The following RBFOX1 variants were observed in gnomAD, a reference collection of about 807,000 sequenced individuals.
RBFOX1 encodes RNA binding fox-1 homolog 1.
A neutral mutation model predicts 57.7 loss-of-function variants in RBFOX1; 8 were observed. That is an observed-to-expected ratio of 0.14 (90% CI 0.08 to 0.25). RBFOX1 has a LOEUF of 0.25. Among genes scored for constraint, RBFOX1 ranks in the 10% least tolerant of loss-of-function variants. The probability of loss-of-function intolerance (pLI) is 1.00; values close to 1 mark genes in which losing one functional copy is unlikely to be tolerated. For synonymous variants in RBFOX1, 326 were observed against 222.4 expected, an observed-to-expected ratio of 1.47 and a Z score of -4.15; for missense variants, 611 against 548.5, an observed-to-expected ratio of 1.11 and a Z score of -1.14.
chr16:7,029,764 A>AT (rs1193737248), intron 3 of RBFOX1, among the ~76,000 whole-genome samples: 9 of 152,188 alleles, frequency 5.9e-5, no homozygotes, highest in African/African-American at 2.2e-4. Flanking sequence ...TTGTTCAATG[A>AT]TTAAAGTCCC....
In RBFOX1 at chr16:7,389,666, C is replaced by T. The variant is rs1290620179; in HGVS notation, c.28-128481C>T. ...TATGTTGGGACCCTACAGAGAAATT[C>T]AGAAGACAATCTGGCTGGAGTTTAC... On this transcript the variant is annotated intron_variant, in intron 4 of 15. Coordinates refer to ENST00000550418, the MANE Select transcript of RBFOX1 (RefSeq NM_018723.4). 2.6e-5 allele frequency among the ~76,000 whole-genome samples: 4 copies of T among 152,144 alleles called. No individual in the cohort carries two copies. The South Asian group carries it at 6.2e-4, about 24-fold the overall frequency.
At chr16:6,276,829 T>G (rs2152688469) in intron 1 of RBFOX1, among the ~76,000 whole-genome samples, 1 of 152,172 alleles carries the variant, frequency 6.6e-6, no homozygotes, top group East Asian at 1.9e-4. Context: ...TTTTTTTTTT[T>G]TATTAACTAT....
At chr16:5,272,874 G>T (rs973727788) in intron 1 of RBFOX1, among the ~76,000 whole-genome samples, 1 of 152,220 alleles carries the variant, frequency 6.6e-6, no homozygotes, top group African/African-American at 2.4e-5. Context: ...TGAGCTGACT[G>T]CAAGGTGCTT....
At chr16:6,844,553 T>C (rs2093659396) in intron 3 of RBFOX1, among the ~76,000 whole-genome samples, 1 of 152,120 alleles carries the variant, frequency 6.6e-6, no homozygotes, top group Non-Finnish European at 1.5e-5. Flanking sequence ...ATGGTGTATA[T>C]GTACGACTTT....
intron 2 of RBFOX1, among the ~76,000 whole-genome samples, chr16:5,524,544 CT>C (rs35257382): frequency 0.43 from 59,842 of 139,762 alleles, 13,885 homozygotes; most frequent in East Asian, 0.95. Flanking sequence ...GTAGTAGTTG[CT>C]TTTTTTTTTT....
chr16:5,726,937 C>T (rs1019111034), intron 3 of RBFOX1, among the ~76,000 whole-genome samples: 2 of 152,022 alleles, frequency 1.3e-5, no homozygotes, highest in African/African-American at 4.8e-5. Flanking sequence ...TATGGGTGGG[C>T]ACTCTTAGCC....
At chr16:7,235,346 T>C (rs2093714290) in intron 4 of RBFOX1, among the ~76,000 whole-genome samples, 1 of 152,180 alleles carries the variant, frequency 6.6e-6, no homozygotes, top group Admixed American at 6.5e-5. Flanking sequence ...TTTTTGGCTC[T>C]TGGCTTAGAA....
chr16:5,381,276 G>A (rs1024215923), intron 1 of RBFOX1, among the ~76,000 whole-genome samples: 36 of 152,332 alleles, frequency 2.4e-4, no homozygotes, highest in African/African-American at 8.2e-4. Context: ...ATATTATGCC[G>A]AGTCTGAATT....
At chr16:6,645,159 C>T (rs1321353719) in intron 2 of RBFOX1, among the ~76,000 whole-genome samples, 1 of 152,178 alleles carries the variant, frequency 6.6e-6, no homozygotes, top group South Asian at 2.1e-4. Flanking sequence ...ATGGCTTTCT[C>T]TTCTGTCTCT....
chr16:6,712,324 T>C (rs528040429), intron 3 of RBFOX1, among the ~76,000 whole-genome samples: 3 of 152,246 alleles, frequency 2.0e-5, no homozygotes, highest in Admixed American at 6.5e-5. Flanking sequence ...CAAATACCCA[T>C]TTGCGCATGT....
rs373726153 is a variant in RBFOX1 at position 7,647,514 on chromosome 16, C to T, written c.758-6301C>T. 6.6e-5 allele frequency among the ~76,000 whole-genome samples: 10 copies of T among 150,544 alleles called. No individual in the cohort carries two copies. In the South Asian group the frequency reaches 8.4e-4, roughly 13 times the overall value. On this transcript the variant is annotated intron_variant, in intron 11 of 15. Coordinates refer to ENST00000550418, the MANE Select transcript of RBFOX1 (RefSeq NM_018723.4). The stretch of plus-strand genomic sequence containing the variant: ...TCCATTGTTCCTTATTGATGGTCTG[C>T]TTACATGTGAGTTAACTTGAAATTG...
chr16:7,279,525 G>A (rs1443440418), intron 4 of RBFOX1, among the ~76,000 whole-genome samples: 1 of 152,134 alleles, frequency 6.6e-6, no homozygotes, highest in Middle Eastern at 3.2e-3. Flanking sequence ...CTGTCCTATT[G>A]GTGCTTGCTG....
chr16:6,930,338 C>T (rs990062326), intron 3 of RBFOX1, among the ~76,000 whole-genome samples: 4 of 152,162 alleles, frequency 2.6e-5, no homozygotes, highest in African/African-American at 9.7e-5. Context: ...CCTAACATCA[C>T]TAATCTCTAG....
At chr16:6,234,235 C>T (rs945740221) in intron 1 of RBFOX1, among the ~76,000 whole-genome samples, 1 of 152,170 alleles carries the variant, frequency 6.6e-6, no homozygotes, top group African/African-American at 2.4e-5. Flanking sequence ...TTTATTTATT[C>T]TCAAAATTCC....
chr16:5,656,317 C>G (rs1205661283), intron 3 of RBFOX1, among the ~76,000 whole-genome samples: 1 of 152,096 alleles, frequency 6.6e-6, no homozygotes, highest in Non-Finnish European at 1.5e-5. Context: ...CAGAGGCGAG[C>G]ATATCATTAA....
At chr16:6,775,799 A>C (rs943114900) in intron 3 of RBFOX1, 1 of 152,228 alleles carries the variant, frequency 6.6e-6, no homozygotes, top group Non-Finnish European at 1.5e-5. Context: ...CGTGAACCAC[A>C]GTCAGTCTCT....
chr16:7,647,276 T>G (rs986650681), intron 11 of RBFOX1, among the ~76,000 whole-genome samples: 6 of 152,236 alleles, frequency 3.9e-5, no homozygotes, highest in Non-Finnish European at 7.3e-5. Flanking sequence ...GTATTTTCTC[T>G]GAAAGCTCTT....
At chr16:7,683,769 C>T (rs1334627824) in intron 14 of RBFOX1, among the ~76,000 whole-genome samples, 1 of 152,056 alleles carries the variant, frequency 6.6e-6, no homozygotes, top group Non-Finnish European at 1.5e-5. Context: ...GTTGGGAAAG[C>T]CTAATGCTTT....
At chr16:5,658,963 T>C (rs571644721) in intron 3 of RBFOX1, among the ~76,000 whole-genome samples, 2 of 151,958 alleles carry the variant, frequency 1.3e-5, no homozygotes, top group South Asian at 4.1e-4. Context: ...CAATTGCAAA[T>C]TGCGATGCTA....
Sources: gnomAD v4.1 joint callset for allele counts (sites outside exome capture counted in the v4.1 genomes callset) on GRCh38, gnomAD v4.1.1 for gene constraint, MANE v1.5 for transcripts, NCBI Gene and HGNC (gene_info 2026-07-23, HGNC 2026-07-21) for gene names.